CLIP4: variants seen among roughly 807,000 people sequenced by gnomAD.
CLIP4 encodes CAP-Gly domain containing linker protein family member 4.
Under a neutral mutation model 73.1 loss-of-function variants are expected in CLIP4, and 47 were observed. The ratio of observed to expected loss-of-function variants is 0.64; its 90% CI spans 0.51 to 0.82. The LOEUF is 0.82. Ranked by LOEUF, CLIP4 falls within the 40% of genes least tolerant of loss-of-function variation. The probability of loss-of-function intolerance (pLI) is 0.00; values close to 1 mark genes in which losing one functional copy is unlikely to be tolerated. For missense variants in CLIP4, 874 were observed against 852.9 expected (o/e 1.02, Z -0.31); for synonymous variants, 306 against 295.4 (o/e 1.04, Z -0.37).
chr2:29,117,935 G>A (rs1461283071), intron 1 of CLIP4, among the ~76,000 whole-genome samples: 1 of 152,154 alleles, frequency 6.6e-6, no homozygotes, highest in Non-Finnish European at 1.5e-5. Context: ...TTCAGGGCAG[G>A]TATTTCAATT....
intron 1 of CLIP4, among the ~76,000 whole-genome samples, chr2:29,099,589 C>T (rs1489818891): frequency 6.6e-6 from 1 of 152,206 alleles, no homozygotes; most frequent in East Asian, 1.9e-4. Context: ...ATTCCACAGT[C>T]TTGATGGCTG....
intron 15 of CLIP4, among the ~76,000 whole-genome samples, chr2:29,176,569 A>G (rs141563349): frequency 6.6e-6 from 1 of 152,302 alleles, no homozygotes; most frequent in East Asian, 1.9e-4. Context: ...CGAGGAAGAC[A>G]TGGCAGAAAG....
At chr2:29,139,101 C>G (rs1656181609) in intron 6 of CLIP4, among the ~76,000 whole-genome samples, 1 of 152,018 alleles carries the variant, frequency 6.6e-6, no homozygotes, top group Non-Finnish European at 1.5e-5. Context: ...GGAATGTTTC[C>G]AACTTGCCCG....
At chr2:29,110,223 C>A (rs375040480) in intron 1 of CLIP4, among the ~76,000 whole-genome samples, 1 of 152,146 alleles carries the variant, frequency 6.6e-6, no homozygotes. Flanking sequence ...AAGTCTCGTG[C>A]GGCTCAATGG....
intron 14 of CLIP4, among the ~76,000 whole-genome samples, chr2:29,172,344 G>T (rs542026374): frequency 1.3e-5 from 2 of 152,154 alleles, no homozygotes; most frequent in African/African-American, 4.8e-5. Flanking sequence ...TTTAGAAAGG[G>T]TCTGTTGGGT....
intron 13 of CLIP4, among the ~76,000 whole-genome samples, chr2:29,165,967 C>T (rs1210685750): frequency 3.0e-5 from 3 of 98,636 alleles, no homozygotes; most frequent in Non-Finnish European, 6.4e-5. Context: ...AAGCAGCCCC[C>T]TCTTCTTCAA....
chr2:29,131,330 A>G lies in CLIP4; in HGVS notation c.206A>G (p.Glu69Gly). 1 of 1,611,022 alleles carries G rather than the reference A, an allele frequency of 6.2e-7. No individual in the cohort carries two copies. Among genetic ancestry groups the G allele is most frequent in the East Asian group, 2.2e-5 (1 of 44,644 alleles). Residue 69 changes from glutamate (E) to glycine (G), a missense_variant, in exon 3 of 16, where the codon GAA becomes GGA. Physicochemically the swap from Glu to Gly is moderately conservative, Grantham distance 98. Coordinates refer to ENST00000320081, the MANE Select transcript of CLIP4 (RefSeq NM_024692.6). The part of the protein sequence containing the change: ...ILFDPKTSVS[E>G]LFAILRQWVP... ...TTTGATCCCAAAACTTCAGTTTCAG[A>G]ATTATTTGCCATTTTGAGACAGTGG...
Position 29,106,134 on chromosome 2 carries a change from A to G in CLIP4, c.-16+8187A>G, listed in dbSNP as rs144556493. Among the ~76,000 whole-genome samples, 305 of 150,582 alleles carry G rather than the reference A, an allele frequency of 2.0e-3. 1 individual carries two copies. Among genetic ancestry groups the G allele is most frequent in the Admixed American group, 6.2e-3 (93 of 15,088 alleles). Reference sequence around the variant, plus strand: ...TGAAATCTTGGTTCTTCTATTTACTATGTGATCTTGGATAAGTTACTTAAC... The same window carrying G: ...TGAAATCTTGGTTCTTCTATTTACTGTGTGATCTTGGATAAGTTACTTAAC... On this transcript the variant is annotated intron_variant, in intron 1 of 14. Coordinates refer to the CLIP4 transcript ENST00000401605.
At chr2:29,140,393 T>C (rs1199061091) in intron 6 of CLIP4, among the ~76,000 whole-genome samples, 1 of 152,140 alleles carries the variant, frequency 6.6e-6, no homozygotes, top group African/African-American at 2.4e-5. Context: ...TCCATGTCCC[T>C]ACAAAGGACA....
chr2:29,176,199 G>C (rs1668334335), intron 15 of CLIP4, among the ~76,000 whole-genome samples: 1 of 152,240 alleles, frequency 6.6e-6, no homozygotes, highest in Non-Finnish European at 1.5e-5. Flanking sequence ...CCTGCTCTTA[G>C]GGGTGAGGGA....
At chr2:29,140,481 G>A in intron 6 of CLIP4, among the ~76,000 whole-genome samples, 1 of 152,218 alleles carries the variant, frequency 6.6e-6, no homozygotes, top group African/African-American at 2.4e-5. Flanking sequence ...GTCTATCATT[G>A]TCAGACATTT....
chr2:29,175,796 C>T (rs943024570), intron 15 of CLIP4, among the ~76,000 whole-genome samples: 1 of 152,068 alleles, frequency 6.6e-6, no homozygotes, highest in Non-Finnish European at 1.5e-5. Flanking sequence ...GAGTCTTGCT[C>T]TGTCACCCAG....
At chr2:29,160,980 A>AT (rs559857371) in intron 12 of CLIP4, among the ~76,000 whole-genome samples, 1,750 of 148,124 alleles carry the variant, frequency 0.012, 33 homozygotes, top group African/African-American at 0.04. Context: ...ATTACTTTCT[A>AT]TTTTTTTTTT....
intron 1 of CLIP4, among the ~76,000 whole-genome samples, chr2:29,108,965 A>G (rs553785200): frequency 1.2e-4 from 19 of 152,186 alleles, no homozygotes; most frequent in Non-Finnish European, 2.6e-4. Flanking sequence ...GTCTATAACC[A>G]TTCCCCTCAG....
chr2:29,103,970 G>T (rs2148433964), intron 1 of CLIP4, among the ~76,000 whole-genome samples: 1 of 151,922 alleles, frequency 6.6e-6, no homozygotes. Flanking sequence ...GCCTCCCAAA[G>T]TGCTGGGATT....
At chr2:29,145,750 C>T (rs536434592) in intron 8 of CLIP4, among the ~76,000 whole-genome samples, 8 of 152,320 alleles carry the variant, frequency 5.3e-5, no homozygotes, top group African/African-American at 1.7e-4. Context: ...GGCTCGATCT[C>T]GGCTCACTGC....
At chr2:29,156,092 C>G (rs1373208701) in intron 9 of CLIP4, among the ~76,000 whole-genome samples, 1 of 152,204 alleles carries the variant, frequency 6.6e-6, no homozygotes, top group Non-Finnish European at 1.5e-5. Context: ...AGGAAGAAAT[C>G]TGACCTGTCC....
In CLIP4 at chr2:29,174,455, A is replaced by T. The variant is rs746526447; in HGVS notation, c.1796+10A>T. 8 of 1,607,460 alleles carry T rather than the reference A, an allele frequency of 5.0e-6. No homozygotes were observed. The Admixed American group carries it at 8.5e-5, about 17-fold the overall frequency. The stretch of plus-strand genomic sequence containing the variant: ...GAAATGCTTTTTCCAAGTGAGTATT[A>T]AGAAGATTTAGAAAAACACCTTTCA... On this transcript the variant is annotated intron_variant, in intron 15 of 15. Transcript: ENST00000320081.
intron 2 of CLIP4, chr2:29,130,638 T>C: frequency 1.8e-6 from 2 of 1,124,836 alleles, no homozygotes; most frequent in Non-Finnish European, 2.2e-6. Context: ...CATTTTGTTG[T>C]CTAAGCTTAC....
Sources: allele counts gnomAD v4.1 joint callset (sites outside exome capture counted in the v4.1 genomes callset), GRCh38; gene constraint gnomAD v4.1.1; transcripts MANE v1.5; gene names NCBI Gene and HGNC (gene_info 2026-07-23, HGNC 2026-07-21).